The following LAMC2 variants were observed in gnomAD, a reference collection of about 807,000 sequenced individuals.
LAMC2 encodes the protein laminin subunit gamma-2.
LAMC2 carries 97 observed loss-of-function variants against 140.2 expected under a neutral mutation model. The observed-to-expected ratio is 0.69, with a 90% confidence interval of 0.59 to 0.82. The LOEUF (loss-of-function observed/expected upper bound fraction) is 0.82. Ranked by LOEUF, LAMC2 falls within the 40% of genes least tolerant of loss-of-function variation. The pLI, the probability that LAMC2 is intolerant of heterozygous loss-of-function variation, is 0.00. For missense variants in LAMC2, 1,402 were observed against 1,476.1 expected, an observed-to-expected ratio of 0.95 and a Z score of 0.82; for synonymous variants, 513 against 540.2, an observed-to-expected ratio of 0.95 and a Z score of 0.70.
chr1:183,186,546 T>C (rs1380475957), intron 1 of LAMC2, 115 bp downstream of exon 1: 3 of 1,192,108 alleles, frequency 2.5e-6, no homozygotes, highest in African/African-American at 3.0e-5. Context: ...CAGAAACTTG[T>C]TAGAGCTCCC....
At chr1:183,205,949 GT>G (rs2102192406) in intron 1 of LAMC2, among the ~76,000 whole-genome samples, 1 of 152,152 alleles carries the variant, frequency 6.6e-6, no homozygotes, top group East Asian at 1.9e-4. Context: ...AAATGTTACT[GT>G]TTGTAACAAC....
chr1:183,218,484 G>A lies in LAMC2; in HGVS notation c.499G>A (p.Asp167Asn), dbSNP rs1168828606. 6.2e-7 allele frequency: 1 copy of A among 1,612,290 alleles called. No homozygotes were observed. Among genetic ancestry groups the A allele is most frequent in the East Asian group, 2.2e-5 (1 of 44,858 alleles). The change falls in exon 4 of 23, where the codon GAT becomes AAT. Residue 167 changes from aspartate (D) to asparagine (N), a missense_variant. Transcript: ENST00000264144. The stretch of plus-strand genomic sequence containing the variant: ...GCCAGCTGTCACTGGAGAACGCTGT[G>A]ATAGGTCTGTGTGAACCGTGGCCCT... ...CKPAVTGERC[D>N]RCRSGYYNLD...
intron 15 of LAMC2, among the ~76,000 whole-genome samples, chr1:183,235,252 T>C (rs923704564): frequency 6.6e-6 from 1 of 152,176 alleles, no homozygotes; most frequent in South Asian, 2.1e-4. Context: ...TAGAGGTTTC[T>C]TCCTGCAGCA....
At chr1:183,247,852 T>C (rs1258842474), downstream of LAMC2, among the ~76,000 whole-genome samples, 1 of 152,260 alleles carries the variant, frequency 6.6e-6, no homozygotes, top group Non-Finnish European at 1.5e-5. Flanking sequence ...AGTTCTGTTT[T>C]AGTTAAGATC....
rs186911749 is a variant in LAMC2, at chr1:183,212,360, A to C, written c.269-3093A>C. Among the ~76,000 whole-genome samples, 149 of 152,302 alleles carry C rather than the reference A, an allele frequency of 9.8e-4. 1 individual carries two copies. The South Asian group carries it at 0.013, about 13-fold the overall frequency. On this transcript the variant is annotated intron_variant, in intron 2 of 22. Transcript: ENST00000264144. ...AGAGCAATGATCATGAAGTCTCTAA[A>C]CATCAAACCAAATAGCCTCTCTTCA...
chr1:183,221,525 G>A (rs748042099), intron 5 of LAMC2, among the ~76,000 whole-genome samples: 9 of 151,928 alleles, frequency 5.9e-5, no homozygotes, highest in Non-Finnish European at 1.3e-4. Flanking sequence ...TCAGGAGATC[G>A]AGACCATCCT....
chr1:183,239,776 ACT>A (rs1660074405), intron 20 of LAMC2: 2 of 634,382 alleles, frequency 3.2e-6, no homozygotes, highest in Non-Finnish European at 5.5e-6. Flanking sequence ...ATGGTTCCTA[ACT>A]CTGTTCAACA....
At chr1:183,238,947 A>G (rs1660047161) in intron 19 of LAMC2, among the ~76,000 whole-genome samples, 1 of 152,216 alleles carries the variant, frequency 6.6e-6, no homozygotes, top group Admixed American at 6.5e-5. Flanking sequence ...CTTCTTCACT[A>G]AAGCACAAAA....
chr1:183,199,097 CTTTTTTTTTTTTT>C (rs906113983), intron 1 of LAMC2, among the ~76,000 whole-genome samples: 2 of 67,626 alleles, frequency 3.0e-5, no homozygotes, highest in African/African-American at 1.3e-4. Flanking sequence ...GTTGGCTTTT[CTTTTTTTTTTTTT>C]TTTTTTTTTT....
intron 6 of LAMC2, 141 bp from the exon 7 acceptor site, chr1:183,222,994 G>A (rs1659517791): frequency 9.7e-6 from 7 of 721,948 alleles, no homozygotes; most frequent in South Asian, 1.6e-5. Context: ...CCAGTACCAG[G>A]TCCTGACTCT....
chr1:183,233,095 T>C (rs1244138625), intron 14 of LAMC2, among the ~76,000 whole-genome samples: 5 of 152,182 alleles, frequency 3.3e-5, no homozygotes, highest in Admixed American at 3.3e-4. Flanking sequence ...TCTAACTACA[T>C]CCTCATCTTG....
At chr1:183,236,725 A>G in intron 17 of LAMC2, 121 bp downstream of exon 17, 1 of 1,140,976 alleles carries the variant, frequency 8.8e-7, no homozygotes, top group Non-Finnish European at 1.3e-6. Context: ...TTTCTGTTTT[A>G]GAGTGGGAAG....
In LAMC2 at chr1:183,232,345, T is replaced by C. The variant is rs1209373209; in HGVS notation, c.2014+2T>C. The stretch of plus-strand genomic sequence containing the variant: ...TGAGAGATGCCCAGATTTCAGAAGG[T>C]GATGAAGGCCAACTTCCCTTCAGAC... On this transcript the variant is annotated splice_donor_variant, in intron 13 of 22. Coordinates refer to ENST00000264144, the MANE Select transcript of LAMC2 (RefSeq NM_005562.3). LOFTEE classifies it high-confidence loss of function. The C allele has an allele frequency of 6.2e-7, 1 of 1,613,870 alleles. No homozygotes were observed. Among genetic ancestry groups the C allele is most frequent in the Admixed American group, 1.7e-5 (1 of 60,012 alleles).
rs1660197655 is a variant in LAMC2, at chr1:183,244,282, T to C, written c.*882T>C. On this transcript the variant is annotated 3_prime_UTR_variant, in exon 23 of 23. Coordinates refer to ENST00000264144, the MANE Select transcript of LAMC2 (RefSeq NM_005562.3). ...GAACACCAAAAATGATGCGCATCAA[T>C]GTATTTTATCTTATTTTCTCAATCT... The C allele has an allele frequency of 6.6e-6, 1 of 152,202 alleles. No homozygotes were observed. Among genetic ancestry groups the C allele is most frequent in the Non-Finnish European group, 1.5e-5 (1 of 68,034 alleles). 9.4% of individuals were successfully genotyped at this position (152,202 alleles called of 1,614,324 possible).
chr1:183,189,344 C>T (rs1658251759), intron 1 of LAMC2, among the ~76,000 whole-genome samples: 1 of 152,100 alleles, frequency 6.6e-6, no homozygotes, highest in Non-Finnish European at 1.5e-5. Flanking sequence ...AATCCCAGCA[C>T]TTTGGGAGGC....
intron 1 of LAMC2, among the ~76,000 whole-genome samples, chr1:183,191,586 G>A (rs780087914): frequency 1.5e-4 from 23 of 151,480 alleles, no homozygotes; most frequent in African/African-American, 4.1e-4. Flanking sequence ...GGCTGGGTGC[G>A]GTGGCTCATG....
intron 2 of LAMC2, among the ~76,000 whole-genome samples, chr1:183,213,696 A>G (rs1416625930): frequency 1.4e-5 from 2 of 146,340 alleles, no homozygotes; most frequent in South Asian, 2.3e-4. Flanking sequence ...GCTACTCAGG[A>G]GACTGAGGTA....
At chr1:183,258,916 C>G in the LAMC2 span, among the ~76,000 whole-genome samples, 1 of 152,174 alleles carries the variant, frequency 6.6e-6, no homozygotes, top group Non-Finnish European at 1.5e-5. Context: ...AACTCTGCTC[C>G]CGAAATGCTC....
chr1:183,255,020 G>A, the LAMC2 span, among the ~76,000 whole-genome samples: 1 of 152,094 alleles, frequency 6.6e-6, no homozygotes, highest in Non-Finnish European at 1.5e-5. Flanking sequence ...TTTCCTTTAT[G>A]TTTTCTTCTG....
Sources: allele counts gnomAD v4.1 joint callset (sites outside exome capture counted in the v4.1 genomes callset), GRCh38; gene constraint gnomAD v4.1.1; transcripts MANE v1.5; gene names NCBI Gene and HGNC (gene_info 2026-07-23, HGNC 2026-07-21).